The following ASAP1 variants were observed in gnomAD, a reference collection of about 807,000 sequenced individuals.
The protein encoded by ASAP1 is arf-GAP with SH3 domain, ANK repeat and PH domain-containing protein 1.
Under a neutral mutation model 145.2 loss-of-function variants are expected in ASAP1, and 43 were observed. That is an observed-to-expected ratio of 0.30 (90% CI 0.23 to 0.38). The LOEUF (loss-of-function observed/expected upper bound fraction) is 0.38, where lower values mean the gene tolerates loss of function less well. ASAP1 is among the 10% of genes least tolerant of loss of function. The pLI, the probability that ASAP1 is intolerant of heterozygous loss-of-function variation, is 1.00. For synonymous variants in ASAP1, 546 were observed against 515.5 expected (o/e 1.06, Z -0.80); for missense variants, 1,018 against 1,355.3 (o/e 0.75, Z 3.91).
intron 3 of ASAP1, among the ~76,000 whole-genome samples, chr8:130,243,120 C>T (rs2136744600): frequency 6.6e-6 from 1 of 152,284 alleles, no homozygotes; most frequent in South Asian, 2.1e-4. Flanking sequence ...GGCCTCCTCA[C>T]TTCTTGCCAC....
chr8:130,242,908 T>A (rs1737849144), intron 3 of ASAP1, among the ~76,000 whole-genome samples: 1 of 152,164 alleles, frequency 6.6e-6, no homozygotes, highest in African/African-American at 2.4e-5. Flanking sequence ...AGGCCAACTG[T>A]GGGACTTGCA....
At chr8:130,419,851 C>G in intron 1 of ASAP1, among the ~76,000 whole-genome samples, 1 of 152,150 alleles carries the variant, frequency 6.6e-6, no homozygotes, top group East Asian at 1.9e-4. Flanking sequence ...CTCCGGTTTC[C>G]AATAACTCTT....
intron 3 of ASAP1, among the ~76,000 whole-genome samples, chr8:130,290,340 C>T (rs1010907863): frequency 6.6e-5 from 10 of 152,176 alleles, no homozygotes; most frequent in African/African-American, 2.4e-4. Context: ...ACAGCAAGGC[C>T]TACAACAGTA....
intron 2 of ASAP1, among the ~76,000 whole-genome samples, chr8:130,396,933 A>G (rs1828556314): frequency 6.6e-6 from 1 of 152,204 alleles, no homozygotes; most frequent in Admixed American, 6.5e-5. Context: ...CATAAGGCCA[A>G]CTGATTTCTA....
At chr8:130,189,708 T>G (rs1462007833) in intron 5 of ASAP1, among the ~76,000 whole-genome samples, 1 of 152,168 alleles carries the variant, frequency 6.6e-6, no homozygotes, top group African/African-American at 2.4e-5. Flanking sequence ...TAGTTCTCTT[T>G]TTAGTTTTCT....
At chr8:130,410,756 G>C (rs1260881100) in intron 1 of ASAP1, among the ~76,000 whole-genome samples, 1 of 152,252 alleles carries the variant, frequency 6.6e-6, no homozygotes, top group Admixed American at 6.5e-5. Flanking sequence ...GCACAGCAAA[G>C]AGGAGAGCCC....
chr8:130,341,034 G>A (rs964546919), intron 3 of ASAP1: 6 of 398,864 alleles, frequency 1.5e-5, no homozygotes, highest in African/African-American at 1.3e-4. Flanking sequence ...TTTTTTAACC[G>A]ACATTAAATG....
Position 130,408,289 on chromosome 8 carries a change from G to T in ASAP1, c.-27-6319C>A, listed in dbSNP as rs1393189317. Among the ~76,000 whole-genome samples the T allele has an allele frequency of 2.6e-5, 4 of 152,244 alleles. No homozygotes were observed. In the East Asian group the frequency reaches 5.8e-4, roughly 22 times the overall value. ...GTGTTTCTGCAAGAGATTAGCCTTT[G>T]AATCAGGAGACTGAGTAAGGAAGAG... On this transcript the variant is annotated intron_variant, in intron 1 of 29. Transcript: ENST00000518721.
At chr8:130,295,543 T>C (rs964759124) in intron 3 of ASAP1, among the ~76,000 whole-genome samples, 4 of 152,232 alleles carry the variant, frequency 2.6e-5, no homozygotes, top group Admixed American at 2.6e-4. Context: ...GTGAGGTTTA[T>C]ATGAGATAAT....
At position 130,400,806 on chromosome 8, in the gene ASAP1, A is replaced by G. The variant is rs1028443163; in HGVS notation, c.59+1079T>C. On this transcript the variant is annotated intron_variant, in intron 2 of 29. Coordinates refer to ENST00000518721, the MANE Select transcript of ASAP1 (RefSeq NM_018482.4). ...ACTCCGTCTCAAAAAAAAAAAAAAA[A>G]GGCAAGGGTCCTGCAGTAAGGGAAA... Among the ~76,000 whole-genome samples the G allele has an allele frequency of 7.9e-5, 12 of 151,788 alleles. No homozygotes were observed. The East Asian group carries it at 9.7e-4, about 12-fold the overall frequency.
chr8:130,256,303 T>G (rs1349212923), intron 3 of ASAP1, among the ~76,000 whole-genome samples: 1 of 151,674 alleles, frequency 6.6e-6, no homozygotes, highest in South Asian at 2.1e-4. Flanking sequence ...TGAGTACTTT[T>G]GTAAAGCAAA....
At chr8:130,121,877 C>T in intron 18 of ASAP1, among the ~76,000 whole-genome samples, 1 of 148,314 alleles carries the variant, frequency 6.7e-6, no homozygotes, top group Non-Finnish European at 1.5e-5. Context: ...CTCTCAATCA[C>T]ACTTACAATC....
chr8:130,056,526 T>C (rs1360495630), intron 29 of ASAP1, among the ~76,000 whole-genome samples: 1 of 152,210 alleles, frequency 6.6e-6, no homozygotes, highest in Non-Finnish European at 1.5e-5. Context: ...TGACAATCAA[T>C]ATTTCCAGAT....
intron 13 of ASAP1, among the ~76,000 whole-genome samples, chr8:130,141,316 C>G (rs182525919): frequency 6.6e-6 from 1 of 152,126 alleles, no homozygotes; most frequent in Non-Finnish European, 1.5e-5. Context: ...TCCTGTCACT[C>G]TGAGTTGTTC....
intron 23 of ASAP1, 141 bp from the exon 24 acceptor site, chr8:130,112,463 C>CTTTTTTTCTTTCCCTCTT: frequency 3.1e-6 from 2 of 635,886 alleles, no homozygotes; most frequent in Non-Finnish European, 5.5e-6. Context: ...CAATGAGCCT[C>CTTTTTTTCTTTCCCTCTT]ATGATGCTGA....
intron 3 of ASAP1, among the ~76,000 whole-genome samples, chr8:130,257,786 A>AACCCC: frequency 7.5e-6 from 1 of 132,874 alleles, no homozygotes; most frequent in African/African-American, 2.9e-5. Context: ...ACTCAAGAGC[A>AACCCC]CCCCCCCCCC....
intron 15 of ASAP1, among the ~76,000 whole-genome samples, chr8:130,131,035 T>C (rs2097582156): frequency 6.6e-6 from 1 of 152,112 alleles, no homozygotes; most frequent in Non-Finnish European, 1.5e-5. Context: ...CACGCGCCTG[T>C]AGTTCCAGGT....
At chr8:130,150,124 GTGT>G (rs1191109851) in intron 13 of ASAP1, among the ~76,000 whole-genome samples, 4 of 152,230 alleles carry the variant, frequency 2.6e-5, no homozygotes, top group Non-Finnish European at 2.9e-5. Flanking sequence ...TAATCTTTAT[GTGT>G]TAAATACTTT....
intron 13 of ASAP1, among the ~76,000 whole-genome samples, chr8:130,147,263 T>C (rs920963911): frequency 1.2e-4 from 18 of 150,840 alleles, no homozygotes; most frequent in African/African-American, 3.4e-4. Flanking sequence ...ATGGGGATAG[T>C]TGTACATTAG....
Sources: gnomAD v4.1 joint callset for allele counts (sites outside exome capture counted in the v4.1 genomes callset) on GRCh38, gnomAD v4.1.1 for gene constraint, MANE v1.5 for transcripts, NCBI Gene and HGNC (gene_info 2026-07-23, HGNC 2026-07-21) for gene names.